The following SPAG9 variants were observed in gnomAD, a reference collection of about 807,000 sequenced individuals.
SPAG9 encodes the protein C-Jun-amino-terminal kinase-interacting protein 4.
In SPAG9, 35 loss-of-function variants were observed where a neutral mutation model predicts 166.5. That is an observed-to-expected ratio of 0.21 (90% CI 0.16 to 0.28). The LOEUF (loss-of-function observed/expected upper bound fraction) is 0.28. Among genes scored for constraint, SPAG9 ranks in the 10% least tolerant of loss-of-function variants. SPAG9 has a pLI of 1.00. For missense variants in SPAG9, 1,235 were observed against 1,603.3 expected, an observed-to-expected ratio of 0.77 and a Z score of 3.92; for synonymous variants, 534 against 565.5, an observed-to-expected ratio of 0.94 and a Z score of 0.79.
At chr17:51,091,471 TTTTG>T (rs954131380) in intron 1 of SPAG9, among the ~76,000 whole-genome samples, 75 of 151,964 alleles carry the variant, frequency 4.9e-4, no homozygotes, top group African/African-American at 1.6e-3. Flanking sequence ...CAGCAGTTTT[TTTTG>T]TTTGTTTTTC....
In SPAG9 at chr17:50,995,182, T is replaced by C; in HGVS notation, c.2101A>G (p.Arg701Gly). ...VGVNLSGGKT[R>G]DGGSVVGASV... Reference sequence around the variant, plus strand: ...GCTCCAACAACAGAACCACCATCTCTGGTCTTCCCACCAGATAAATTGACT... The same window carrying C: ...GCTCCAACAACAGAACCACCATCTCCGGTCTTCCCACCAGATAAATTGACT... The change falls in exon 18 of 30, where the codon AGA becomes GGA. Residue 701 changes from arginine (R) to glycine (G), a missense_variant. Physicochemically the swap from Arg to Gly is moderately radical, Grantham distance 125. Around this residue, in one of 6 missense-constraint regions of SPAG9, gnomAD observed 493 missense variants for 559.4 expected, o/e 0.88. Coordinates refer to ENST00000262013, the MANE Select transcript of SPAG9 (RefSeq NM_001130528.3). 1 of 1,614,130 alleles carries C rather than the reference T, an allele frequency of 6.2e-7. No individual in the cohort carries two copies. The highest frequency in any genetic ancestry group is 8.5e-7 in the Non-Finnish European group (1 of 1,179,988).
chr17:51,049,077 G>C (rs1034555320), intron 3 of SPAG9, among the ~76,000 whole-genome samples: 96 of 152,194 alleles, frequency 6.3e-4, no homozygotes, highest in African/African-American at 2.2e-3. Flanking sequence ...ATTTTCAAAA[G>C]GTTTTAGAAG....
At chr17:50,999,287 T>C (rs1210319142) in intron 14 of SPAG9, among the ~76,000 whole-genome samples, 3 of 152,194 alleles carry the variant, frequency 2.0e-5, no homozygotes, top group Admixed American at 2.0e-4. Flanking sequence ...ATTTCTCATC[T>C]TCACTTTGTA....
intron 1 of SPAG9, among the ~76,000 whole-genome samples, chr17:51,084,717 C>G (rs1393858279): frequency 6.6e-6 from 1 of 152,076 alleles, no homozygotes; most frequent in Admixed American, 6.5e-5. Flanking sequence ...TCCAGAAATT[C>G]TTATATTAGG....
At chr17:51,053,855 G>GTGTATATATA (rs1491377804) in intron 3 of SPAG9, among the ~76,000 whole-genome samples, 3 of 37,744 alleles carry the variant, frequency 7.9e-5, no homozygotes, top group Non-Finnish European at 1.3e-4. Context: ...AAAAAAAAAA[G>GTGTATATATA]TATATATATA....
At chr17:50,993,230 CACTT>C (rs1567972976) in intron 19 of SPAG9, among the ~76,000 whole-genome samples, 1 of 149,004 alleles carries the variant, frequency 6.7e-6, no homozygotes, top group Non-Finnish European at 1.5e-5. Flanking sequence ...GCAGGAGAAT[CACTT>C]GAACCTGGAA....
chr17:50,977,207 C>T lies in SPAG9; in HGVS notation c.3424G>A (p.Gly1142Ser). 6.2e-7 allele frequency: 1 copy of T among 1,608,332 alleles called. No individual in the cohort carries two copies. Among genetic ancestry groups the T allele is most frequent in the Non-Finnish European group, 8.5e-7 (1 of 1,175,122 alleles). ...VSKMLGTGKLGFSFVRITALM... is the reference protein window; with the variant it reads ...VSKMLGTGKLSFSFVRITALM... ...GCTGTAATTCTCACAAAAGAGAAGC[C>T]CAGTTTTCCAGTACCTGTAAAGAAA... Residue 1142 changes from glycine (G) to serine (S), a missense_variant, in exon 27 of 30, where the codon GGC becomes AGC. Around this residue, in one of 6 missense-constraint regions of SPAG9, gnomAD observed 243 missense variants for 358.6 expected, o/e 0.68. Coordinates refer to ENST00000262013, the MANE Select transcript of SPAG9 (RefSeq NM_001130528.3).
At chr17:51,046,688 C>CGAACCAA (rs1568037610) in intron 4 of SPAG9, 1 of 1,535,828 alleles carries the variant, frequency 6.5e-7, no homozygotes. Context: ...GTGAAACACC[C>CGAACCAA]GAACCAAGGA....
chr17:51,117,255 T>G (rs2049316334), intron 1 of SPAG9, among the ~76,000 whole-genome samples: 1 of 152,120 alleles, frequency 6.6e-6, no homozygotes, highest in African/African-American at 2.4e-5. Context: ...CCTCACACAT[T>G]CCTAAAACAT....
At chr17:51,008,878 G>T (rs1057058826) in intron 9 of SPAG9, among the ~76,000 whole-genome samples, 1 of 152,050 alleles carries the variant, frequency 6.6e-6, no homozygotes, top group Non-Finnish European at 1.5e-5. Context: ...ACAATGGCTG[G>T]GAATGTTAAC....
chr17:51,007,335 C>T lies in SPAG9; in HGVS notation c.1214-9G>A, dbSNP rs182724783. 1.5e-5 allele frequency: 22 copies of T among 1,516,442 alleles called. No homozygotes were observed. The highest frequency in any genetic ancestry group is 8.7e-5 in the South Asian group (7 of 80,428). 93.9% of individuals were successfully genotyped at this position (1,516,442 alleles called of 1,614,324 possible). A position where few individuals can be genotyped will look rare whatever the true frequency, so the allele number is the denominator to read the frequency against. On this transcript the variant is annotated splice_polypyrimidine_tract_variant and intron_variant, in intron 9 of 29. Coordinates refer to ENST00000262013, the MANE Select transcript of SPAG9 (RefSeq NM_001130528.3). Reference sequence around the variant, plus strand: ...AACTTCCCGACCCATTCCTATCAAACGAAAAAAGATAAAGACTTTGAAAAT... The same window carrying T: ...AACTTCCCGACCCATTCCTATCAAATGAAAAAAGATAAAGACTTTGAAAAT...
At chr17:51,009,288 T>C (rs1274762504) in intron 9 of SPAG9, 6 of 336,834 alleles carry the variant, frequency 1.8e-5, no homozygotes, top group Non-Finnish European at 2.9e-5. Flanking sequence ...CTAAACACAA[T>C]GAAGTGTAAA....
intron 1 of SPAG9, among the ~76,000 whole-genome samples, chr17:51,111,501 C>T (rs1249192219): frequency 6.6e-6 from 1 of 152,212 alleles, no homozygotes; most frequent in Non-Finnish European, 1.5e-5. Flanking sequence ...TGACCTATGG[C>T]ACACACTTCA....
chr17:51,104,063 A>G (rs2048875429), intron 1 of SPAG9, among the ~76,000 whole-genome samples: 1 of 152,160 alleles, frequency 6.6e-6, no homozygotes, highest in Non-Finnish European at 1.5e-5. Context: ...GGAATGAGGA[A>G]GAGTTAGGGA....
intron 1 of SPAG9, among the ~76,000 whole-genome samples, chr17:51,091,806 A>G (rs1192606325): frequency 5.3e-5 from 8 of 150,842 alleles, no homozygotes; most frequent in African/African-American, 1.9e-4. Flanking sequence ...GGGAGCAACT[A>G]GACACCGTTA....
At chr17:51,068,715 A>ATAATCAAAT (rs1239269652) in intron 2 of SPAG9, among the ~76,000 whole-genome samples, 2 of 152,230 alleles carry the variant, frequency 1.3e-5, no homozygotes, top group Admixed American at 1.3e-4. Flanking sequence ...GTTTGAAAGA[A>ATAATCAAAT]TAATCAAATT....
At chr17:51,059,725 C>T (rs113315243) in intron 2 of SPAG9, among the ~76,000 whole-genome samples, 7,890 of 151,908 alleles carry the variant, frequency 0.052, 687 homozygotes, top group African/African-American at 0.18. Flanking sequence ...GACAAGATTG[C>T]GCCACTGCAA....
chr17:51,106,020 T>G (rs2048938902), intron 1 of SPAG9, among the ~76,000 whole-genome samples: 1 of 151,688 alleles, frequency 6.6e-6, no homozygotes, highest in South Asian at 2.1e-4. Context: ...ATACCAGCAC[T>G]TTGGGAAGCA....
intron 8 of SPAG9, among the ~76,000 whole-genome samples, chr17:51,019,852 CAAA>C (rs1287213612): frequency 6.6e-6 from 1 of 152,000 alleles, no homozygotes. Context: ...AACTCTGTCT[CAAA>C]AAAATAAACA....
Sources: gnomAD v4.1 joint callset for allele counts (sites outside exome capture counted in the v4.1 genomes callset) on GRCh38, gnomAD v4.1.1 for gene constraint, gnomAD v4.1.1 regional missense constraint, MANE v1.5 for transcripts, NCBI Gene and HGNC (gene_info 2026-07-23, HGNC 2026-07-21) for gene names.